The following DLG5 variants were observed in gnomAD, a reference collection of about 807,000 sequenced individuals.
DLG5 encodes disks large homolog 5.
DLG5 carries 48 observed loss-of-function variants against 189.8 expected under a neutral mutation model. The observed-to-expected ratio is 0.25, with a 90% CI of 0.20 to 0.32. The LOEUF is 0.32. DLG5 is among the 10% of genes least tolerant of loss of function. DLG5 has a pLI of 1.00. For synonymous variants in DLG5, 1,016 were observed against 1,054.1 expected (o/e 0.96, Z 0.70); for missense variants, 2,160 against 2,544.7 (o/e 0.85, Z 3.25).
intron 1 of DLG5, among the ~76,000 whole-genome samples, chr10:77,900,394 C>T (rs965247277): frequency 6.6e-6 from 1 of 152,188 alleles, no homozygotes; most frequent in Non-Finnish European, 1.5e-5. Flanking sequence ...CTGCCTGGAA[C>T]GCACCTACCT....
At chr10:77,836,462 G>A (rs895546240) in intron 7 of DLG5, among the ~76,000 whole-genome samples, 2 of 152,092 alleles carry the variant, frequency 1.3e-5, no homozygotes, top group Admixed American at 6.6e-5. Context: ...CAGCAGAGGC[G>A]CTGATGACAC....
intron 1 of DLG5, among the ~76,000 whole-genome samples, chr10:77,874,059 TCA>T (rs1469907942): frequency 6.6e-6 from 1 of 152,182 alleles, no homozygotes; most frequent in Admixed American, 6.5e-5. Flanking sequence ...GCTCCCGGAC[TCA>T]CACGTGTCAG....
intron 6 of DLG5, 89 bp from the exon 7 acceptor site, chr10:77,842,282 G>T: frequency 6.9e-7 from 1 of 1,453,956 alleles, no homozygotes; most frequent in Non-Finnish European, 9.3e-7. Context: ...CAGCTCTACT[G>T]TGCTGGACAG....
At chr10:77,806,695 T>C in intron 26 of DLG5, 63 bp downstream of exon 26, 1 of 1,496,262 alleles carries the variant, frequency 6.7e-7, no homozygotes. Flanking sequence ...ATGGGACAGC[T>C]CCATGGCTGG....
At chr10:77,921,093 C>A (rs1184814846) in intron 1 of DLG5, among the ~76,000 whole-genome samples, 1 of 152,224 alleles carries the variant, frequency 6.6e-6, no homozygotes, top group Non-Finnish European at 1.5e-5. Flanking sequence ...CGCCTGTAAT[C>A]TTAGCTACTA....
At chr10:77,807,303 CAG>C (rs1568124632) in intron 25 of DLG5, among the ~76,000 whole-genome samples, 1 of 152,182 alleles carries the variant, frequency 6.6e-6, no homozygotes, top group Admixed American at 6.5e-5. Context: ...ACCCTAGAGA[CAG>C]GGAGTTGTAC....
At chr10:77,825,017 A>T (rs893548680) in intron 13 of DLG5, among the ~76,000 whole-genome samples, 1 of 152,162 alleles carries the variant, frequency 6.6e-6, no homozygotes, top group Non-Finnish European at 1.5e-5. Flanking sequence ...GTATATGTGC[A>T]ACCGGTGAAT....
At chr10:77,817,674 G>A in intron 18 of DLG5, 103 bp downstream of exon 18, 1 of 976,364 alleles carries the variant, frequency 1.0e-6, no homozygotes, top group South Asian at 1.6e-5. Flanking sequence ...GAGGTGACAG[G>A]AGCTCGTGTG....
intron 14 of DLG5, among the ~76,000 whole-genome samples, chr10:77,823,394 T>C (rs1842461180): frequency 6.6e-6 from 1 of 152,224 alleles, no homozygotes; most frequent in Non-Finnish European, 1.5e-5. Context: ...TTCAAATATG[T>C]AGAAAAGTAT....
chr10:77,821,410 T>C lies in DLG5; in HGVS notation c.3074A>G (p.Gln1025Arg). The change falls in exon 15 of 32, where the codon CAG (glutamine) becomes CGG (arginine). Residue 1025 changes from glutamine to arginine, a missense_variant. Physicochemically the swap from Gln to Arg is conservative, Grantham distance 43. This residue lies in a region of DLG5 where 754 missense variants were observed against 746.5 expected (regional missense o/e 1.01). Transcript: ENST00000372391. Reference sequence around the variant, plus strand: ...CTCGGAGCTAGTCTCCAGCCTGTGCTGGAACTTAATGGAGTCGCTCCTTCT... The same window carrying C: ...CTCGGAGCTAGTCTCCAGCCTGTGCCGGAACTTAATGGAGTCGCTCCTTCT... ...PPRRSDSIKF[Q>R]HRLETSSESE... The C allele has an allele frequency of 6.2e-7, 1 of 1,612,722 alleles. No homozygotes were observed. Among genetic ancestry groups the C allele is most frequent in the Non-Finnish European group, 8.5e-7 (1 of 1,179,978 alleles).
chr10:77,896,105 A>G (rs1845749746), intron 1 of DLG5, among the ~76,000 whole-genome samples: 1 of 151,376 alleles, frequency 6.6e-6, no homozygotes. Context: ...GTTTGCAGTG[A>G]GCCAAGATCC....
intron 2 of DLG5, among the ~76,000 whole-genome samples, chr10:77,863,441 C>CTGA (rs1802123408): frequency 6.6e-6 from 1 of 152,106 alleles, no homozygotes; most frequent in Non-Finnish European, 1.5e-5. Context: ...TGAATGAAGC[C>CTGA]ATCATCCTAA....
rs181972156 is a variant in DLG5 at position 77,794,563 on chromosome 10, G to T, written c.5546+286C>A. Among the ~76,000 whole-genome samples the T allele has an allele frequency of 7.7e-4, 117 of 152,358 alleles. 1 individual carries two copies. Among genetic ancestry groups the T allele is most frequent in the African/African-American group, 2.8e-3 (116 of 41,588 alleles). ...GTAGCGAGGAAAGGGGGCTGGGGCA[G>T]GAGAGGGGAGCTGTGCAGACCAAGC... On this transcript the variant is annotated intron_variant, in intron 30 of 31. Coordinates refer to ENST00000372391, the MANE Select transcript of DLG5 (RefSeq NM_004747.4).
chr10:77,892,206 C>T (rs561299342), intron 1 of DLG5, among the ~76,000 whole-genome samples: 8 of 152,326 alleles, frequency 5.3e-5, no homozygotes, highest in South Asian at 2.1e-4. Flanking sequence ...ACATCTGACA[C>T]GTGCCCTCAA....
At chr10:77,937,667 G>A in the DLG5 span, among the ~76,000 whole-genome samples, 1 of 150,590 alleles carries the variant, frequency 6.6e-6, no homozygotes, top group African/African-American at 2.4e-5. Flanking sequence ...ACCAAAATTG[G>A]ATTCTATGAG....
upstream of DLG5, chr10:77,927,110 C>G (rs1163455965): frequency 1.1e-5 from 2 of 176,550 alleles, no homozygotes; most frequent in African/African-American, 2.4e-5. Flanking sequence ...GCCGGCCCGT[C>G]CCTCCTCTCT....
chr10:77,833,717 C>G (rs942021712), intron 9 of DLG5, among the ~76,000 whole-genome samples, 197 bp downstream of exon 9: 5 of 152,214 alleles, frequency 3.3e-5, no homozygotes, highest in Admixed American at 3.3e-4. Flanking sequence ...TCTAATTAAC[C>G]CTACATGGAG....
intron 1 of DLG5, among the ~76,000 whole-genome samples, chr10:77,915,005 CAT>C (rs1846319806): frequency 2.0e-5 from 3 of 152,278 alleles, no homozygotes; most frequent in Admixed American, 6.5e-5. Flanking sequence ...CCCAGAATCA[CAT>C]GTGACTATTT....
At position 77,791,738 on chromosome 10, in the gene DLG5, G is replaced by C. The variant is rs1465285140; in HGVS notation, c.*702C>G. On this transcript the variant is annotated 3_prime_UTR_variant, in exon 32 of 32. Coordinates refer to ENST00000372391, the MANE Select transcript of DLG5 (RefSeq NM_004747.4). ...TCAAGTAATAAGCACAGATGGAGGA[G>C]AAACGAGAGGCTGTGGAAGGCAGGA... 1 of 153,042 alleles carries C rather than the reference G, an allele frequency of 6.5e-6. No individual in the cohort carries two copies. The highest frequency in any genetic ancestry group is 2.4e-5 in the African/African-American group (1 of 41,472). 9.5% of individuals were successfully genotyped at this position (153,042 alleles called of 1,614,324 possible).
Sources: allele counts gnomAD v4.1 joint callset (sites outside exome capture counted in the v4.1 genomes callset), GRCh38; gene constraint gnomAD v4.1.1; regional missense constraint gnomAD v4.1.1; transcripts MANE v1.5; gene names NCBI Gene and HGNC (gene_info 2026-07-23, HGNC 2026-07-21).